Variants in FGFR4 observed in about 807,000 individuals in gnomAD.
FGFR4 encodes fibroblast growth factor receptor 4, also known as hydroxyaryl-protein kinase.
In FGFR4, 63 loss-of-function variants were observed where a neutral mutation model predicts 89.9. The ratio of observed to expected loss-of-function variants is 0.70; its 90% CI spans 0.57 to 0.86. The LOEUF (loss-of-function observed/expected upper bound fraction) is 0.86. Among genes scored for constraint, FGFR4 ranks in the 40% least tolerant of loss-of-function variants. The pLI, the probability that FGFR4 is intolerant of heterozygous loss-of-function variation, is 0.00. For synonymous variants in FGFR4, 486 were observed against 479.4 expected, an observed-to-expected ratio of 1.01 and a Z score of -0.18; for missense variants, 928 against 1,106.7, an observed-to-expected ratio of 0.84 and a Z score of 2.29.
In FGFR4 at chr5:177,090,920, C is replaced by A. The variant is rs2149731630; in HGVS notation, c.437-18C>A. The A allele has an allele frequency of 6.2e-7, 1 of 1,614,114 alleles. No individual in the cohort carries two copies. Among genetic ancestry groups the A allele is most frequent in the African/African-American group, 1.3e-5 (1 of 75,054 alleles). Reference sequence around the variant, plus strand: ...TGGGAACACACGGTCATTCTAGGGGCCTTCCCCTGCCCTCCAGCACCCTAC... The same window carrying A: ...TGGGAACACACGGTCATTCTAGGGGACTTCCCCTGCCCTCCAGCACCCTAC... On this transcript the variant is annotated intron_variant, in intron 4 of 17. Transcript: ENST00000292408.
chr5:177,092,714 C>T lies in FGFR4; in HGVS notation c.987C>T (p.Gly329=), dbSNP rs1188138749. 3 of 1,614,240 alleles carry T rather than the reference C, an allele frequency of 1.9e-6. No individual in the cohort carries two copies. Among genetic ancestry groups the T allele is most frequent in the East Asian group, 2.2e-5 (1 of 44,884 alleles). ...GGAACGTGTCAGCCGAGGACGCAGG[C>T]GAGTACACCTGCCTCGCAGGCAATT... is the stretch of plus-strand genomic sequence containing the variant. ...YLRNVSAEDA[G]EYTCLAGNSI... Residue 329 remains glycine, a synonymous_variant, in exon 8 of 18, where the codon GGC becomes GGT. Coordinates refer to ENST00000292408, the MANE Select transcript of FGFR4 (RefSeq NM_213647.3).
intron 6 of FGFR4, 119 bp downstream of exon 6, chr5:177,091,927 C>T: frequency 3.7e-6 from 5 of 1,343,138 alleles, no homozygotes; most frequent in Non-Finnish European, 5.2e-6. Flanking sequence ...GCTTGGTGAG[C>T]AGGTGGGTCA....
Position 177,097,767 on chromosome 5 carries a change from A to C in FGFR4, c.*91A>C, listed in dbSNP as rs1784664575. On this transcript the variant is annotated 3_prime_UTR_variant, in exon 18 of 18. Coordinates refer to ENST00000292408, the MANE Select transcript of FGFR4 (RefSeq NM_213647.3). ...TGACACAGTGCTCGACCTTGATAGC[A>C]TGGGGCCCCTGGCCCAGAGTTGCTG... 1 of 1,494,284 alleles carries C rather than the reference A, an allele frequency of 6.7e-7. No homozygotes were observed. 92.6% of individuals were successfully genotyped at this position (1,494,284 alleles called of 1,614,324 possible).
In FGFR4 at chr5:177,096,726, A is replaced by T; in HGVS notation, c.2138A>T (p.His713Leu). 6.3e-7 allele frequency: 1 copy of T among 1,583,586 alleles called. No individual in the cohort carries two copies. Among genetic ancestry groups the T allele is most frequent in the Non-Finnish European group, 8.6e-7 (1 of 1,164,716 alleles). Residue 713 changes from histidine (H) to leucine (L), a missense_variant, in exon 16 of 18, where the codon CAC (histidine) becomes CTC (leucine). Around this residue, in one of 5 missense-constraint regions of FGFR4, gnomAD observed 129 missense variants for 150.8 expected, o/e 0.86. Transcript: ENST00000292408. ...GGACATCGGATGGACCGACCCCCAC[A>T]CTGCCCCCCAGAGCTGTGAGGCCTC... ...REGHRMDRPP[H>L]CPPELYGLMR...
chr5:177,095,387 T>C lies in FGFR4; in HGVS notation c.1577T>C (p.Leu526Pro). The C allele has an allele frequency of 6.2e-7, 1 of 1,614,164 alleles. No individual in the cohort carries two copies. Among genetic ancestry groups the C allele is most frequent in the Non-Finnish European group, 8.5e-7 (1 of 1,180,012 alleles). Reference sequence around the variant, plus strand: ...GTCTCGGAGATGGAGGTGATGAAGCTGATCGGCCGACACAAGAACATCATC... The same window carrying C: ...GTCTCGGAGATGGAGGTGATGAAGCCGATCGGCCGACACAAGAACATCATC... ...DLVSEMEVMK[L>P]IGRHKNIINL... is the part of the protein sequence containing the mutation. The change falls in exon 12 of 18, where the codon CTG becomes CCG. Residue 526 changes from leucine to proline, a missense_variant. Physicochemically the swap from Leu to Pro is moderately conservative, Grantham distance 98. Around this residue, in one of 5 missense-constraint regions of FGFR4, gnomAD observed 741 missense variants for 836.9 expected, o/e 0.89. Coordinates refer to ENST00000292408, the MANE Select transcript of FGFR4 (RefSeq NM_213647.3). The surrounding 1 kb of genome is among the most constrained non-coding windows in gnomAD (Gnocchi z 5.7).
At position 177,093,375 on chromosome 5, in the gene FGFR4, A is replaced by G; in HGVS notation, c.1252-31A>G. The stretch of plus-strand genomic sequence containing the variant: ...ACCTCACATGTGACAGCCTGACTCC[A>G]GCAGGCAGAACCAAGTCTCCCACTT... On this transcript the variant is annotated intron_variant, in intron 9 of 17. Coordinates refer to ENST00000292408, the MANE Select transcript of FGFR4 (RefSeq NM_213647.3). The surrounding 1 kb of genome is among the most constrained non-coding windows in gnomAD (Gnocchi z 5.8). The G allele has an allele frequency of 6.2e-7, 1 of 1,613,348 alleles. No homozygotes were observed. The highest frequency in any genetic ancestry group is 1.3e-5 in the African/African-American group (1 of 74,964).
At position 177,096,141 on chromosome 5, in the gene FGFR4, G is replaced by A. The variant is rs778323767; in HGVS notation, c.1906G>A (p.Gly636Ser). The A allele has an allele frequency of 6.8e-6, 11 of 1,614,056 alleles. No homozygotes were observed. Among genetic ancestry groups the A allele is most frequent in the African/African-American group, 2.7e-5 (2 of 74,926 alleles). ...GATTGCTGACTTTGGGCTGGCCCGC[G>A]GCGTCCACCACATTGACTACTATAA... ...MKIADFGLAR[G>S]VHHIDYYKKT... is the part of the protein sequence containing the mutation. Residue 636 changes from glycine (G) to serine (S), a missense_variant, in exon 14 of 18, where the codon GGC (glycine) becomes AGC (serine). Physicochemically the swap from Gly to Ser is moderately conservative, Grantham distance 56. This residue lies in a region of FGFR4 where 20 missense variants were observed against 17.3 expected (regional missense o/e 1.16). Transcript: ENST00000292408.
rs1280970580 is a variant in FGFR4, at chr5:177,093,336, T to C, written c.1251+5T>C. 1 of 1,462,604 alleles carries C rather than the reference T, an allele frequency of 6.8e-7. No homozygotes were observed. Among genetic ancestry groups the C allele is most frequent in the African/African-American group, 1.4e-5 (1 of 69,270 alleles). The allele number at this position is 1,462,604 out of a possible 1,614,324, so 90.6% of individuals were successfully genotyped here. A position where few individuals can be genotyped will look rare whatever the true frequency, so the allele number is the denominator to read the frequency against. ...CGCTTCCCTCTGGCCCGACAGGTACTGGGCGCATCCCCCACCTCACATGTG... is the reference window on the plus strand; with the variant it reads ...CGCTTCCCTCTGGCCCGACAGGTACCGGGCGCATCCCCCACCTCACATGTG... On this transcript the variant is annotated splice_donor_5th_base_variant and intron_variant, in intron 9 of 17. Transcript: ENST00000292408. This position sits in a 1 kb window ranked among gnomAD's most constrained non-coding sequence, Gnocchi z 5.8.
Position 177,090,417 on chromosome 5 carries a change from A to C in FGFR4, c.119A>C (p.Gln40Pro). ...LEPCLAPSLE[Q>P]QEQELTVALG... ...CCCTGCCTGGCTCCCAGCCTGGAGCAGCAAGAGCAGGAGCTGACAGTAGCC... is the reference window on the plus strand; with the variant it reads ...CCCTGCCTGGCTCCCAGCCTGGAGCCGCAAGAGCAGGAGCTGACAGTAGCC... The change falls in exon 3 of 18, where the codon CAG (glutamine) becomes CCG (proline). Residue 40 changes from glutamine to proline, a missense_variant. This residue lies in a region of FGFR4 where 741 missense variants were observed against 836.9 expected (regional missense o/e 0.89). Transcript: ENST00000292408. 1 of 1,604,088 alleles carries C rather than the reference A, an allele frequency of 6.2e-7. No individual in the cohort carries two copies. The highest frequency in any genetic ancestry group is 8.5e-7 in the Non-Finnish European group (1 of 1,179,868).
chr5:177,093,861 A>C lies in FGFR4; in HGVS notation c.1519+86A>C. ...GTGGGAGGATCGCTTGAATCCAGGAATTCGAGGCCAGCCTGGGCAACATGG... is the reference window on the plus strand; with the variant it reads ...GTGGGAGGATCGCTTGAATCCAGGACTTCGAGGCCAGCCTGGGCAACATGG... On this transcript the variant is annotated intron_variant, in intron 11 of 17. Transcript: ENST00000292408. The surrounding 1 kb of genome is among the most constrained non-coding windows in gnomAD (Gnocchi z 5.8). 1.4e-6 allele frequency: 2 copies of C among 1,452,762 alleles called. No individual in the cohort carries two copies. The highest frequency in any genetic ancestry group is 1.9e-6 in the Non-Finnish European group (2 of 1,076,020). The allele number at this position is 1,452,762 out of a possible 1,614,324, so 90.0% of individuals were successfully genotyped here.
intron 16 of FGFR4, 24 bp downstream of exon 16, chr5:177,096,765 C>A: frequency 9.6e-6 from 15 of 1,557,108 alleles, no homozygotes; most frequent in Non-Finnish European, 1.3e-5. Flanking sequence ...CTGCCCTCGA[C>A]CCCACTTTCC....
intron 8 of FGFR4, 54 bp downstream of exon 8, chr5:177,092,838 T>A: frequency 6.2e-7 from 1 of 1,612,426 alleles, no homozygotes; most frequent in Non-Finnish European, 8.5e-7. Context: ...GGGCCAGCAG[T>A]GGGGGCTGTG....
At position 177,087,527 on chromosome 5, in the gene FGFR4, C is replaced by A; in HGVS notation, c.-54+450C>A. ...CGGGAGGCTGAAGGAGAACCCAGGA[C>A]TGTCTGATGCCTAAGGCAGGCCCTC... On this transcript the variant is annotated intron_variant, in intron 1 of 17. Transcript: ENST00000292408. This position sits in a 1 kb window ranked among gnomAD's most constrained non-coding sequence, Gnocchi z 6.1. The A allele has an allele frequency of 1.0e-6, 1 of 962,652 alleles. No individual in the cohort carries two copies. Among genetic ancestry groups the A allele is most frequent in the Non-Finnish European group, 1.2e-6 (1 of 809,278 alleles). 59.6% of individuals were successfully genotyped at this position (962,652 alleles called of 1,614,324 possible). A position where few individuals can be genotyped will look rare whatever the true frequency, so the allele number is the denominator to read the frequency against.
chr5:177,092,760 T>A lies in FGFR4; in HGVS notation c.1033T>A (p.Ser345Thr). 1.9e-6 allele frequency: 3 copies of A among 1,614,212 alleles called. No individual in the cohort carries two copies. Among genetic ancestry groups the A allele is most frequent in the Non-Finnish European group, 2.5e-6 (3 of 1,180,050 alleles). ...CAATTCCATCGGCCTCTCCTACCAG[T>A]CTGCCTGGCTCACGGTGCTGCCAGG... ...AGNSIGLSYQ[S>T]AWLTVLPEED... Residue 345 changes from serine to threonine, a missense_variant, in exon 8 of 18, where the codon TCT becomes ACT. Transcript: ENST00000292408.
chr5:177,090,443 C>G lies in FGFR4; in HGVS notation c.145C>G (p.Leu49Val). ...GCAAGAGCAGGAGCTGACAGTAGCC[C>G]TTGGGCAGCCTGTGCGTCTGTGCTG... ...EQQEQELTVA[L>V]GQPVRLCCGR... The change falls in exon 3 of 18, where the codon CTT (leucine) becomes GTT (valine). Residue 49 changes from leucine to valine, a missense_variant. Physicochemically the swap from Leu to Val is conservative, Grantham distance 32. Around this residue, in one of 5 missense-constraint regions of FGFR4, gnomAD observed 741 missense variants for 836.9 expected, o/e 0.89. Coordinates refer to ENST00000292408, the MANE Select transcript of FGFR4 (RefSeq NM_213647.3). The G allele has an allele frequency of 6.2e-7, 1 of 1,605,574 alleles. No individual in the cohort carries two copies. Among genetic ancestry groups the G allele is most frequent in the Non-Finnish European group, 8.5e-7 (1 of 1,178,744 alleles).
In FGFR4 at chr5:177,096,755, C is replaced by T; in HGVS notation, c.2153+14C>T. 6.4e-7 allele frequency: 1 copy of T among 1,562,014 alleles called. No homozygotes were observed. Among genetic ancestry groups the T allele is most frequent in the Non-Finnish European group, 8.7e-7 (1 of 1,153,674 alleles). ...CCCCCCAGAGCTGTGAGGCCTCACC[C>T]TGCCCTCGACCCCACTTTCCAGTCC... On this transcript the variant is annotated intron_variant, in intron 16 of 17. Transcript: ENST00000292408.
At position 177,090,565 on chromosome 5, in the gene FGFR4, C is replaced by T; in HGVS notation, c.267C>T (p.Ala89=). 1 of 1,525,778 alleles carries T rather than the reference C, an allele frequency of 6.6e-7. No homozygotes were observed. The highest frequency in any genetic ancestry group is 8.8e-7 in the Non-Finnish European group (1 of 1,138,526). 94.5% of individuals were successfully genotyped at this position (1,525,778 alleles called of 1,614,324 possible). ...VRGWRGRLEI[A]SFLPEDAGRY... ...GCTGGAGGGGCCGCCTAGAGATTGC[C>T]AGCTTCCTACCTGAGGATGCTGGCC... The change falls in exon 3 of 18, where the codon GCC becomes GCT. Residue 89 remains alanine (A), a synonymous_variant. Transcript: ENST00000292408.
In FGFR4 at chr5:177,092,793, C is replaced by A; in HGVS notation, c.1057+9C>A. ...GCTCACGGTGCTGCCAGGTGAGCAC[C>A]TGAAGGGCCAGGAGATGCTGCGAGA... On this transcript the variant is annotated intron_variant, in intron 8 of 17. Transcript: ENST00000292408. 1 of 1,614,220 alleles carries A rather than the reference C, an allele frequency of 6.2e-7. No individual in the cohort carries two copies. The highest frequency in any genetic ancestry group is 8.5e-7 in the Non-Finnish European group (1 of 1,180,034).
Position 177,095,179 on chromosome 5 carries a change from A to G in FGFR4, c.1520-151A>G. 3.0e-6 allele frequency: 2 copies of G among 665,496 alleles called. No homozygotes were observed. The highest frequency in any genetic ancestry group is 2.7e-5 in the East Asian group (1 of 36,376). 41.2% of individuals were successfully genotyped at this position (665,496 alleles called of 1,614,324 possible). Reference sequence around the variant, plus strand: ...GACGAACCTGAGGTTCAGAGACGCTAGGAGACTTTTTCAAGGCCACACAGC... The same window carrying G: ...GACGAACCTGAGGTTCAGAGACGCTGGGAGACTTTTTCAAGGCCACACAGC... On this transcript the variant is annotated intron_variant, in intron 11 of 17. Transcript: ENST00000292408. This position sits in a 1 kb window ranked among gnomAD's most constrained non-coding sequence, Gnocchi z 5.7.
Sources: gnomAD v4.1 joint callset for allele counts on GRCh38, gnomAD v4.1.1 for gene constraint, gnomAD v4.1.1 regional missense constraint, Gnocchi (gnomAD v3.1) non-coding constraint, MANE v1.5 for transcripts, NCBI Gene and HGNC (gene_info 2026-07-23, HGNC 2026-07-21) for gene names.